MED17: variants seen among roughly 807,000 people sequenced by gnomAD.
MED17 encodes the protein mediator of RNA polymerase II transcription subunit 17.
A neutral mutation model predicts 80.8 loss-of-function variants in MED17; 49 were observed. That is an observed-to-expected ratio of 0.61 (90% CI 0.48 to 0.77). The LOEUF (loss-of-function observed/expected upper bound fraction) is 0.77. Among genes scored for constraint, MED17 ranks in the 30% least tolerant of loss-of-function variants. MED17 has a pLI of 0.00. For missense variants in MED17, 718 were observed against 787.0 expected, an observed-to-expected ratio of 0.91 and a Z score of 1.05; for synonymous variants, 281 against 280.4, an observed-to-expected ratio of 1.00 and a Z score of -0.02.
intron 3 of MED17, among the ~76,000 whole-genome samples, chr11:93,791,428 G>A (rs1014582984): frequency 6.6e-6 from 1 of 152,094 alleles, no homozygotes; most frequent in African/African-American, 2.4e-5. Context: ...AACATGGCGG[G>A]GTGCAGTGGC....
chr11:93,794,137 T>G, intron 5 of MED17, 102 bp downstream of exon 5: 1 of 935,702 alleles, frequency 1.1e-6, no homozygotes, highest in South Asian at 1.4e-5. Context: ...TAGTTTGAAG[T>G]AAGAACAATT....
intron 2 of MED17, chr11:93,788,741 T>C (rs1943799770): frequency 6.6e-6 from 1 of 152,476 alleles, no homozygotes; most frequent in South Asian, 2.1e-4. Context: ...CAAATTCTTA[T>C]AGCCTGGGTC....
At chr11:93,788,220 C>A (rs1300992864) in intron 2 of MED17, 53 bp downstream of exon 2, 2 of 1,505,232 alleles carry the variant, frequency 1.3e-6, no homozygotes, top group Admixed American at 1.7e-5. Flanking sequence ...AATCCCAGGA[C>A]CCTTTTTTGG....
chr11:93,787,254 A>G (rs897077413), intron 1 of MED17, among the ~76,000 whole-genome samples: 1 of 152,110 alleles, frequency 6.6e-6, no homozygotes, highest in Non-Finnish European at 1.5e-5. Flanking sequence ...TCTACTAAAA[A>G]TACAAAAAAT....
chr11:93,788,161 A>G lies in MED17; in HGVS notation c.411A>G (p.Pro137=), dbSNP rs2135709554. 1.9e-6 allele frequency: 3 copies of G among 1,612,374 alleles called. No homozygotes were observed. In the Admixed American group the frequency reaches 5.0e-5, roughly 27 times the overall value. The part of the protein sequence containing the change: ...LDPVSQDALP[P]KQNPQTLQLI... The stretch of plus-strand genomic sequence containing the variant: ...CTGTCTCTCAGGATGCACTTCCTCC[A>G]AAACAGGTATTTGTGGACTTTAATT... The change falls in exon 2 of 12, where the codon CCA becomes CCG. Residue 137 remains proline (P), a synonymous_variant. Transcript: ENST00000251871.
intron 9 of MED17, chr11:93,806,910 T>C (rs901919287): frequency 1.3e-5 from 2 of 152,456 alleles, no homozygotes; most frequent in African/African-American, 2.4e-5. Context: ...GGCCCACATA[T>C]ACCCAATTGG....
At chr11:93,795,787 TTACGCAG>T (rs1451828032) in intron 6 of MED17, 1 of 154,714 alleles carries the variant, frequency 6.5e-6, no homozygotes, top group African/African-American at 2.4e-5. Context: ...TAACTGTCTT[TTACGCAG>T]TAAGACTGCC....
rs549422586 is a variant in MED17 at position 93,807,035 on chromosome 11, A to G, written c.1467-483A>G. 51 of 172,708 alleles carry G rather than the reference A, an allele frequency of 3.0e-4. 1 individual carries two copies. Among genetic ancestry groups the G allele is most frequent in the East Asian group, 2.5e-3 (15 of 6,088 alleles). The allele number at this position is 172,708 out of a possible 1,614,324, so 10.7% of individuals were successfully genotyped here. Reference sequence around the variant, plus strand: ...GGTAGACTGGTACTCAGTGTGGTCTATGGTATTCTGGGGTGAGTCTGTTTA... The same window carrying G: ...GGTAGACTGGTACTCAGTGTGGTCTGTGGTATTCTGGGGTGAGTCTGTTTA... On this transcript the variant is annotated intron_variant, in intron 9 of 11. Coordinates refer to ENST00000251871, the MANE Select transcript of MED17 (RefSeq NM_004268.5).
At chr11:93,796,247 G>A (rs981820049) in intron 6 of MED17, 163 bp from the exon 7 acceptor site, 11 of 728,432 alleles carry the variant, frequency 1.5e-5, no homozygotes, top group East Asian at 2.9e-5. Flanking sequence ...CACCGCACCC[G>A]GCCAAATAGT....
Position 93,790,620 on chromosome 11 carries a change from G to A in MED17, c.464G>A (p.Gly155Glu), listed in dbSNP as rs1943824539. ...ATATCTAAAAAGAAGTCACTTGCTG[G>A]AGCAGCACAAATCTTATTGAAGGGG... ...QLISKKKSLA[G>E]AAQILLKGAE... is the part of the protein sequence containing the mutation. The change falls in exon 3 of 12, where the codon GGA (glycine) becomes GAA (glutamate). Residue 155 changes from glycine (G) to glutamate (E), a missense_variant. Coordinates refer to ENST00000251871, the MANE Select transcript of MED17 (RefSeq NM_004268.5). 1.2e-6 allele frequency: 2 copies of A among 1,614,020 alleles called. No homozygotes were observed. Among genetic ancestry groups the A allele is most frequent in the African/African-American group, 1.3e-5 (1 of 74,920 alleles).
At chr11:93,797,019 G>T (rs1943910993) in intron 7 of MED17, 1 of 210,140 alleles carries the variant, frequency 4.8e-6, no homozygotes, top group Admixed American at 5.3e-5. Flanking sequence ...ACCTGGTTCA[G>T]TTGATTGTGA....
chr11:93,793,107 T>G, intron 3 of MED17: 2 of 134,382 alleles, frequency 1.5e-5, no homozygotes, highest in African/African-American at 5.5e-5. Flanking sequence ...TTTCTAGGAG[T>G]ACACCTCTTT....
chr11:93,795,431 C>T, intron 6 of MED17: 1 of 271,134 alleles, frequency 3.7e-6, no homozygotes, highest in South Asian at 4.1e-5. Context: ...AAAATGTTTA[C>T]TCTTAACGCC....
rs946670235 is a variant in MED17, at chr11:93,812,563, C to T, written c.*499C>T. The T allele has an allele frequency of 4.0e-5, 7 of 173,596 alleles. No individual in the cohort carries two copies. The highest frequency in any genetic ancestry group is 7.1e-5 in the African/African-American group (3 of 42,022). 10.8% of individuals were successfully genotyped at this position (173,596 alleles called of 1,614,324 possible). On this transcript the variant is annotated 3_prime_UTR_variant, in exon 12 of 12. Coordinates refer to ENST00000251871, the MANE Select transcript of MED17 (RefSeq NM_004268.5). ...AGGTGATCCTTCTGTCTCAGCCTTCCGAGTAGCTGGGACCACAGGCATGCA... is the reference window on the plus strand; with the variant it reads ...AGGTGATCCTTCTGTCTCAGCCTTCTGAGTAGCTGGGACCACAGGCATGCA...
rs1944091963 is a variant in MED17 at position 93,812,219 on chromosome 11, A to G, written c.*155A>G. 2.9e-6 allele frequency: 2 copies of G among 700,748 alleles called. No homozygotes were observed. The highest frequency in any genetic ancestry group is 5.4e-5 in the East Asian group (2 of 37,178). The allele number at this position is 700,748 out of a possible 1,614,324, so 43.4% of individuals were successfully genotyped here. A position where few individuals can be genotyped will look rare whatever the true frequency, so the allele number is the denominator to read the frequency against. On this transcript the variant is annotated 3_prime_UTR_variant, in exon 12 of 12. Coordinates refer to ENST00000251871, the MANE Select transcript of MED17 (RefSeq NM_004268.5). Reference sequence around the variant, plus strand: ...TTTATTTAGCACTTTCAAACTTTTCACTTTATAAATGACAAGTGCTTTGAA... The same window carrying G: ...TTTATTTAGCACTTTCAAACTTTTCGCTTTATAAATGACAAGTGCTTTGAA...
intron 9 of MED17, among the ~76,000 whole-genome samples, chr11:93,802,495 A>C (rs562911689): frequency 6.6e-6 from 1 of 152,316 alleles, no homozygotes; most frequent in East Asian, 1.9e-4. Context: ...AACAATGTCT[A>C]AAAACTAGTC....
chr11:93,784,759 G>A lies in MED17; in HGVS notation c.246G>A (p.Glu82=), dbSNP rs1245429313. The A allele has an allele frequency of 1.3e-6, 2 of 1,539,044 alleles. No homozygotes were observed. Among genetic ancestry groups the A allele is most frequent in the Admixed American group, 3.9e-5 (2 of 51,024 alleles). ...GGTCCAGCGCAGACCAGGACGACGA[G>A]GAAGGTAAGGCCTGCATCCGCTGCC... ...GAGSSADQDD[E]EGVVKFQPSL... is the part of the protein sequence containing the mutation. Residue 82 remains glutamate, a synonymous_variant, in exon 1 of 12, where the codon GAG becomes GAA. Coordinates refer to ENST00000251871, the MANE Select transcript of MED17 (RefSeq NM_004268.5).
intron 8 of MED17, 27 bp from the exon 9 acceptor site, chr11:93,801,808 A>G (rs760964374): frequency 6.2e-7 from 1 of 1,607,810 alleles, no homozygotes; most frequent in Non-Finnish European, 8.5e-7. Context: ...TGACTTAAAA[A>G]GTTTTTTAAC....
chr11:93,798,815 T>C (rs1217910722), intron 8 of MED17, among the ~76,000 whole-genome samples: 1 of 152,218 alleles, frequency 6.6e-6, no homozygotes, highest in Admixed American at 6.5e-5. Flanking sequence ...GGTTACTGTT[T>C]CTTACCATTA....
Sources: allele counts gnomAD v4.1 joint callset (sites outside exome capture counted in the v4.1 genomes callset), GRCh38; gene constraint gnomAD v4.1.1; transcripts MANE v1.5; gene names NCBI Gene and HGNC (gene_info 2026-07-23, HGNC 2026-07-21).